RAD51B: variants seen among roughly 807,000 people sequenced by gnomAD.
RAD51B encodes DNA repair protein RAD51 homolog 2.
In RAD51B, 38 loss-of-function variants were observed where a neutral mutation model predicts 42.2. That is an observed-to-expected ratio of 0.90 (90% confidence interval 0.70 to 1.18). RAD51B has a LOEUF of 1.18. Ranked by LOEUF, RAD51B falls within the 50% of genes most tolerant of loss-of-function variation. The pLI is 0.00. For missense variants in RAD51B, 373 were observed against 400.7 expected (o/e 0.93, Z 0.59); for synonymous variants, 154 against 145.2 (o/e 1.06, Z -0.43).
chr14:67,871,299 C>G (rs2042522075), intron 5 of RAD51B, among the ~76,000 whole-genome samples: 2 of 152,080 alleles, frequency 1.3e-5, no homozygotes, highest in African/African-American at 4.8e-5. Flanking sequence ...TCAGAGAATA[C>G]TACAAACACC....
intron 7 of RAD51B, among the ~76,000 whole-genome samples, chr14:68,017,148 T>A (rs2075789420): frequency 6.6e-6 from 1 of 152,192 alleles, no homozygotes; most frequent in South Asian, 2.1e-4. Context: ...TTCTAATTTA[T>A]AGCTCTAGTT....
At chr14:68,112,912 T>G (rs2077481908) in intron 7 of RAD51B, among the ~76,000 whole-genome samples, 1 of 152,104 alleles carries the variant, frequency 6.6e-6, no homozygotes, top group South Asian at 2.1e-4. Context: ...AAAATTTACT[T>G]TATATAATTA....
At chr14:68,224,516 G>A (rs75926942) in intron 7 of RAD51B, among the ~76,000 whole-genome samples, 3,758 of 151,852 alleles carry the variant, frequency 0.025, 172 homozygotes, top group African/African-American at 0.087. Flanking sequence ...AAAGCCTTTC[G>A]GGTTCATATT....
chr14:67,940,786 A>T (rs2045173923), intron 7 of RAD51B, among the ~76,000 whole-genome samples: 2 of 151,996 alleles, frequency 1.3e-5, no homozygotes, highest in Non-Finnish European at 2.9e-5. Flanking sequence ...CAGTAGGAAA[A>T]AAAAAACACA....
At chr14:68,595,010 G>C in exon 11 of RAD51B, 1 of 1,074,368 alleles carries the variant, frequency 9.3e-7, no homozygotes, top group South Asian at 4.3e-5. Context: ...GACAAACTAG[G>C]ATCCAGTAGC....
At chr14:68,290,678 A>C (rs760993322) in intron 7 of RAD51B, among the ~76,000 whole-genome samples, 1 of 152,146 alleles carries the variant, frequency 6.6e-6, no homozygotes, top group Non-Finnish European at 1.5e-5. Flanking sequence ...GAGGAGTGTT[A>C]TTTCTTTAGA....
In RAD51B at chr14:67,823,565, C is replaced by A. The variant is rs138727212; in HGVS notation, c.22C>A (p.Arg8=). ...AGGCATGGGTAGCAAGAAACTAAAA[C>A]GAGTGGGTTTATCACAAGAGCTGTG... MGSKKLK[R]VGLSQELCDR... Residue 8 remains arginine (R), a synonymous_variant, in exon 2 of 11, where the codon CGA becomes AGA. Transcript: ENST00000471583. The A allele has an allele frequency of 6.2e-7, 1 of 1,613,528 alleles. No individual in the cohort carries two copies. The highest frequency in any genetic ancestry group is 2.2e-5 in the East Asian group (1 of 44,838).
intron 7 of RAD51B, among the ~76,000 whole-genome samples, chr14:68,241,295 C>G (rs2080379147): frequency 6.6e-6 from 1 of 152,224 alleles, no homozygotes; most frequent in African/African-American, 2.4e-5. Context: ...GTAATCCCAG[C>G]ACTTCGGGAG....
downstream of RAD51B, among the ~76,000 whole-genome samples, chr14:68,599,253 C>T (rs1211549496): frequency 6.6e-6 from 1 of 152,180 alleles, no homozygotes; most frequent in East Asian, 1.9e-4. Flanking sequence ...TGTTGCCATA[C>T]GAAACATACT....
rs116719491 is a variant in RAD51B at position 68,611,094 on chromosome 14, T to C, written c.1125T>C (p.Asp375=). 1,567 of 703,190 alleles carry C rather than the reference T, an allele frequency of 2.2e-3. 15 individuals carry two copies. The African/African-American group carries it at 0.023, about 11-fold the overall frequency. 43.6% of individuals were successfully genotyped at this position (703,190 alleles called of 1,614,324 possible). The stretch of plus-strand genomic sequence containing the variant: ...CCAGCCCTACCTTCCTGATACCTGA[T>C]GTGGTGCTCAGAAAAACAAGGAATC... The change falls in exon 11 of 11, where the codon GAT becomes GAC. Residue 375 remains aspartate (D), a synonymous_variant. Coordinates refer to the RAD51B transcript ENST00000487861.
At chr14:68,607,150 G>A (rs561452115) in intron 10 of RAD51B, among the ~76,000 whole-genome samples, 1 of 152,278 alleles carries the variant, frequency 6.6e-6, no homozygotes, top group East Asian at 1.9e-4. Flanking sequence ...GGCCACTGAG[G>A]GAAACACAGT....
At chr14:68,135,411 G>C in intron 7 of RAD51B, among the ~76,000 whole-genome samples, 1 of 152,124 alleles carries the variant, frequency 6.6e-6, no homozygotes, top group Non-Finnish European at 1.5e-5. Flanking sequence ...TTAGCCTTTA[G>C]CTTTTCCTTT....
chr14:68,586,200 G>A (rs1032375968), intron 10 of RAD51B, among the ~76,000 whole-genome samples: 3 of 152,070 alleles, frequency 2.0e-5, no homozygotes, highest in Non-Finnish European at 2.9e-5. Flanking sequence ...CAGTAGATTC[G>A]CCCTGAGGAC....
chr14:68,459,690 A>G (rs968692868), intron 9 of RAD51B, among the ~76,000 whole-genome samples: 1 of 152,250 alleles, frequency 6.6e-6, no homozygotes, highest in African/African-American at 2.4e-5. Context: ...GTATGGATGC[A>G]AAGTCATATT....
intron 5 of RAD51B, among the ~76,000 whole-genome samples, chr14:67,882,204 C>T (rs4902529): frequency 0.051 from 7,820 of 152,242 alleles, 462 homozygotes; most frequent in African/African-American, 0.15. Context: ...AACTTCTGGG[C>T]TCAAGAGATC....
At chr14:68,575,380 C>A (rs894571241) in intron 10 of RAD51B, among the ~76,000 whole-genome samples, 3 of 152,180 alleles carry the variant, frequency 2.0e-5, no homozygotes, top group Non-Finnish European at 4.4e-5. Context: ...CCCTGCTCCC[C>A]CTGCCCCTCA....
chr14:68,291,343 A>C (rs2081513294), intron 7 of RAD51B, among the ~76,000 whole-genome samples: 1 of 151,922 alleles, frequency 6.6e-6, no homozygotes, highest in Non-Finnish European at 1.5e-5. Flanking sequence ...AGCTGGGATT[A>C]CAGACATGTG....
chr14:67,857,181 C>T (rs977505676), intron 4 of RAD51B, among the ~76,000 whole-genome samples: 1 of 151,984 alleles, frequency 6.6e-6, no homozygotes, highest in Non-Finnish European at 1.5e-5. Flanking sequence ...TAACTCCAGG[C>T]AGCCCATAAA....
At chr14:68,366,496 C>T (rs35896204) in intron 8 of RAD51B, among the ~76,000 whole-genome samples, 14,973 of 152,242 alleles carry the variant, frequency 0.098, 839 homozygotes, top group African/African-American at 0.13. Flanking sequence ...AAATGTTTGA[C>T]TTAAGGAAGT....
Sources: allele counts gnomAD v4.1 joint callset (sites outside exome capture counted in the v4.1 genomes callset), GRCh38; gene constraint gnomAD v4.1.1; transcripts MANE v1.5; gene names NCBI Gene and HGNC (gene_info 2026-07-23, HGNC 2026-07-21).